The following DYSF variants were observed in gnomAD, a reference collection of about 807,000 sequenced individuals.
DYSF encodes the protein dystrophy-associated fer-1-like 1.
Under a neutral mutation model 274.9 loss-of-function variants are expected in DYSF, and 212 were observed. The ratio of observed to expected loss-of-function variants is 0.77; its 90% CI spans 0.69 to 0.86. The LOEUF (loss-of-function observed/expected upper bound fraction) is 0.86. Among genes scored for constraint, DYSF ranks in the 40% least tolerant of loss-of-function variants. The pLI, the probability that DYSF is intolerant of heterozygous loss-of-function variation, is 0.00. For missense variants in DYSF, 2,666 were observed against 2,783.2 expected (o/e 0.96, Z 0.95); for synonymous variants, 1,091 against 1,078.7 (o/e 1.01, Z -0.22).
chr2:71,629,426 A>T (rs185441225), intron 41 of DYSF, among the ~76,000 whole-genome samples: 1 of 152,208 alleles, frequency 6.6e-6, no homozygotes, highest in Admixed American at 6.5e-5. Flanking sequence ...TGATTCTGCA[A>T]TTGGTTGGCT....
At chr2:71,454,234 G>A (rs944725373) in intron 1 of DYSF, 4 of 776,334 alleles carry the variant, frequency 5.2e-6, no homozygotes, top group Admixed American at 2.2e-5. Context: ...AACGACACAG[G>A]TCTGCAGAGG....
chr2:71,519,649 C>G (rs1331015334), intron 10 of DYSF, among the ~76,000 whole-genome samples: 1 of 151,694 alleles, frequency 6.6e-6, no homozygotes, highest in Non-Finnish European at 1.5e-5. Context: ...ATTTCCTTTC[C>G]TCTTTTTTTT....
At position 71,654,570 on chromosome 2, in the gene DYSF, G is replaced by T. The variant is rs1188788816; in HGVS notation, c.4627-1592G>T. Among the ~76,000 whole-genome samples, 4 of 149,830 alleles carry T rather than the reference G, an allele frequency of 2.7e-5. No homozygotes were observed. In the East Asian group the frequency reaches 6.0e-4, roughly 22 times the overall value. On this transcript the variant is annotated intron_variant, in intron 42 of 55. Coordinates refer to ENST00000410020, the MANE Select transcript of DYSF (RefSeq NM_001130987.2). ...GGCGGAGGTGGGAGGATTGCTTGAG[G>T]CCAGGAGTTGGAGACCAGCCTAGGC... is the stretch of plus-strand genomic sequence containing the variant.
intron 17 of DYSF, among the ~76,000 whole-genome samples, chr2:71,545,397 A>AC (rs1332852852): frequency 5.3e-5 from 8 of 152,036 alleles, no homozygotes; most frequent in Non-Finnish European, 1.2e-4. Flanking sequence ...CCCAGAAACG[A>AC]CCTTCCTGAA....
At chr2:71,482,280 C>T (rs2082978523) in intron 3 of DYSF, among the ~76,000 whole-genome samples, 1 of 152,176 alleles carries the variant, frequency 6.6e-6, no homozygotes, top group African/African-American at 2.4e-5. Context: ...TGCTCCAGCC[C>T]AGAGGCTCCC....
chr2:71,515,790 G>A (rs767983800), intron 8 of DYSF, 39 bp downstream of exon 8: 5 of 1,612,730 alleles, frequency 3.1e-6, no homozygotes, highest in Non-Finnish European at 4.2e-6. Context: ...ACCTTGGTGG[G>A]CCTTCCAATC....
Position 71,568,004 on chromosome 2 carries a change from G to A in DYSF, c.2619G>A (p.Lys873=), listed in dbSNP as rs2092207953. The change falls in exon 25 of 56, where the codon AAG becomes AAA. Residue 873 remains lysine, a synonymous_variant. Coordinates refer to ENST00000410020, the MANE Select transcript of DYSF (RefSeq NM_001130987.2). The part of the protein sequence containing the change: ...GARMPVQIRV[K]LWFGLSVDEK... ...GGATGCCAGTGCAGATACGGGTCAA[G>A]CTGTGGTTTGGGCTCTCAGTGGATG... is the stretch of plus-strand genomic sequence containing the variant. 1.9e-6 allele frequency: 3 copies of A among 1,614,058 alleles called. No homozygotes were observed. The highest frequency in any genetic ancestry group is 2.7e-5 in the African/African-American group (2 of 74,914).
At chr2:71,466,455 G>A (rs541093648), upstream of DYSF, among the ~76,000 whole-genome samples, 1 of 152,268 alleles carries the variant, frequency 6.6e-6, no homozygotes, top group South Asian at 2.1e-4. Flanking sequence ...CCCCCGCGGA[G>A]CAGGCCCCAC....
intron 7 of DYSF, among the ~76,000 whole-genome samples, chr2:71,515,087 T>C (rs1285093694): frequency 4.6e-5 from 7 of 152,216 alleles, no homozygotes; most frequent in Admixed American, 4.6e-4. Flanking sequence ...TTTTAAAATA[T>C]CTTACCTAAT....
At chr2:71,661,633 C>T (rs2094883340) in intron 45 of DYSF, among the ~76,000 whole-genome samples, 1 of 152,184 alleles carries the variant, frequency 6.6e-6, no homozygotes, top group Admixed American at 6.5e-5. Flanking sequence ...TCCTAGGCAT[C>T]CTGAATTGCT....
chr2:71,583,977 C>T (rs751498966), intron 30 of DYSF, among the ~76,000 whole-genome samples: 6 of 152,156 alleles, frequency 3.9e-5, no homozygotes, highest in South Asian at 2.1e-4. Flanking sequence ...CGGGCAGCAG[C>T]GGGTTGGAGG....
chr2:71,667,907 T>C (rs1156631892), intron 48 of DYSF, among the ~76,000 whole-genome samples: 2 of 152,042 alleles, frequency 1.3e-5, no homozygotes, highest in South Asian at 2.1e-4. Context: ...CTGTGGGGTA[T>C]GCAGCCAGGG....
rs117994780 is a variant in DYSF, at chr2:71,677,869, G to A, written c.5885-1188G>A. On this transcript the variant is annotated intron_variant, in intron 52 of 55. Transcript: ENST00000410020. The stretch of plus-strand genomic sequence containing the variant: ...GTGTACCCCAAAGAATTGAAAACAG[G>A]GACTCAGACATTTGTGTGCTAACGT... Among the ~76,000 whole-genome samples the A allele has an allele frequency of 8.4e-3, 1,271 of 152,148 alleles. 56 individuals are homozygous for A. The highest frequency in any genetic ancestry group is 0.07 in the Admixed American group (1,063 of 15,276).
At chr2:71,553,664 G>A (rs989966596) in intron 20 of DYSF, 143 bp from the exon 21 acceptor site, 22 of 1,028,664 alleles carry the variant, frequency 2.1e-5, no homozygotes, top group Non-Finnish European at 3.1e-5. Context: ...GTGAGCAGGT[G>A]CCTGTCTCTG....
chr2:71,552,290 C>A (rs975284693), intron 19 of DYSF, among the ~76,000 whole-genome samples: 1 of 152,156 alleles, frequency 6.6e-6, no homozygotes, highest in East Asian at 1.9e-4. Flanking sequence ...TAGCACTTAC[C>A]GGCTGCATCA....
intron 1 of DYSF, among the ~76,000 whole-genome samples, chr2:71,470,151 C>T (rs2081874413): frequency 6.6e-6 from 1 of 152,190 alleles, no homozygotes; most frequent in Non-Finnish European, 1.5e-5. Context: ...CCCTCTCTCT[C>T]ATCCTGTCAG....
At chr2:71,502,721 G>T (rs2085108819) in intron 3 of DYSF, among the ~76,000 whole-genome samples, 1 of 152,100 alleles carries the variant, frequency 6.6e-6, no homozygotes, top group African/African-American at 2.4e-5. Context: ...TTTTCTCCCT[G>T]TCCCTGAAGA....
At chr2:71,659,139 G>T (rs2094831639) in intron 44 of DYSF, 106 bp downstream of exon 44, 1 of 1,475,640 alleles carries the variant, frequency 6.8e-7, no homozygotes, top group Admixed American at 1.8e-5. Flanking sequence ...TAGTAGGTTG[G>T]GAAACAGACA....
At chr2:71,478,787 C>T (rs1034032086) in intron 1 of DYSF, among the ~76,000 whole-genome samples, 2 of 152,036 alleles carry the variant, frequency 1.3e-5, no homozygotes, top group African/African-American at 4.8e-5. Flanking sequence ...TCCCTGCCTC[C>T]CTCCCTCCCT....
Sources: allele counts gnomAD v4.1 joint callset (sites outside exome capture counted in the v4.1 genomes callset), GRCh38; gene constraint gnomAD v4.1.1; transcripts MANE v1.5; gene names NCBI Gene and HGNC (gene_info 2026-07-23, HGNC 2026-07-21).